The following SNX3 variants were observed in gnomAD, a reference collection of about 807,000 sequenced individuals.
The protein encoded by SNX3 is sorting nexin-3.
Under a neutral mutation model 17.7 loss-of-function variants are expected in SNX3, and 5 were observed. The observed-to-expected ratio is 0.28, with a 90% CI of 0.15 to 0.59. SNX3 has a LOEUF of 0.59. SNX3 is among the 20% of genes least tolerant of loss of function. The probability of loss-of-function intolerance (pLI) is 0.88; values close to 1 mark genes in which losing one functional copy is unlikely to be tolerated. For missense variants in SNX3, 132 were observed against 206.8 expected, an observed-to-expected ratio of 0.64 and a Z score of 2.22; for synonymous variants, 91 against 76.5, an observed-to-expected ratio of 1.19 and a Z score of -0.99.
chr6:108,243,589 A>G (rs1775589084), intron 1 of SNX3, among the ~76,000 whole-genome samples: 1 of 152,182 alleles, frequency 6.6e-6, no homozygotes, highest in Admixed American at 6.5e-5. Context: ...AAGAAATACT[A>G]AAGAAAGCCC....
chr6:108,229,591 TTTTG>T (rs1290736540), intron 1 of SNX3, among the ~76,000 whole-genome samples: 2 of 152,084 alleles, frequency 1.3e-5, no homozygotes, highest in Non-Finnish European at 2.9e-5. Flanking sequence ...CTCTTTTTCG[TTTTG>T]TTTGTTTTTG....
In SNX3 at chr6:108,240,130, G is replaced by A. The variant is rs968884334; in HGVS notation, c.163-17085C>T. Among the ~76,000 whole-genome samples, 6 of 152,238 alleles carry A rather than the reference G, an allele frequency of 3.9e-5. No homozygotes were observed. The East Asian group carries it at 5.8e-4, about 15-fold the overall frequency. ...CACTATATCAGAACTCAGGAAAGTG[G>A]GCACAGGTGTATAACAAATTGAAAA... On this transcript the variant is annotated intron_variant, in intron 1 of 3. Transcript: ENST00000230085.
chr6:108,214,694 G>A, intron 2 of SNX3, 72 bp from the exon 3 acceptor site: 15 of 1,479,194 alleles, frequency 1.0e-5, no homozygotes, highest in Non-Finnish European at 1.2e-5. Flanking sequence ...ACAACATGAA[G>A]ACAAAGCATG....
At chr6:108,215,014 T>C (rs1361640274) in intron 2 of SNX3, among the ~76,000 whole-genome samples, 1 of 152,214 alleles carries the variant, frequency 6.6e-6, no homozygotes, top group Non-Finnish European at 1.5e-5. Context: ...CTCAATTAAA[T>C]GAAGAAACGT....
At chr6:108,258,510 C>T (rs1776096704) in intron 1 of SNX3, among the ~76,000 whole-genome samples, 1 of 151,900 alleles carries the variant, frequency 6.6e-6, no homozygotes, top group Non-Finnish European at 1.5e-5. Flanking sequence ...TACCAAAACC[C>T]TTTTTTCTCT....
chr6:108,254,273 T>A (rs1002771541), intron 1 of SNX3, among the ~76,000 whole-genome samples: 2 of 151,944 alleles, frequency 1.3e-5, no homozygotes, highest in Non-Finnish European at 2.9e-5. Context: ...GAGACAAGCC[T>A]GGGCAACATG....
intron 1 of SNX3, among the ~76,000 whole-genome samples, chr6:108,251,296 G>C (rs1775850054): frequency 6.6e-6 from 1 of 152,008 alleles, no homozygotes; most frequent in African/African-American, 2.4e-5. Flanking sequence ...GAAATTCCAG[G>C]CATTAGCAAA....
Position 108,256,141 on chromosome 6 carries a change from G to T in SNX3, c.162+4619C>A, listed in dbSNP as rs866158727. Among the ~76,000 whole-genome samples, 118 of 152,254 alleles carry T rather than the reference G, an allele frequency of 7.8e-4. 1 individual carries two copies. The Middle Eastern group carries it at 0.014, about 18-fold the overall frequency. On this transcript the variant is annotated intron_variant, in intron 1 of 3. Transcript: ENST00000230085. ...GCTAGTAGAGAGGCTGAGGTTGGGA[G>T]GATCACTTGAGCCTGGGAGGTCAAG...
At chr6:108,249,376 C>T (rs1274494770) in intron 1 of SNX3, among the ~76,000 whole-genome samples, 1 of 152,036 alleles carries the variant, frequency 6.6e-6, no homozygotes, top group Non-Finnish European at 1.5e-5. Context: ...GAGCCGAGAT[C>T]GCACCACTGC....
At chr6:108,228,185 G>T (rs1775030021) in intron 1 of SNX3, among the ~76,000 whole-genome samples, 1 of 152,134 alleles carries the variant, frequency 6.6e-6, no homozygotes, top group Non-Finnish European at 1.5e-5. Flanking sequence ...GGCTGAGGTG[G>T]GAGGATCACA....
chr6:108,219,569 C>T (rs578007473), intron 2 of SNX3, among the ~76,000 whole-genome samples: 53 of 152,296 alleles, frequency 3.5e-4, no homozygotes, highest in East Asian at 7.7e-4. Flanking sequence ...TATGATCACG[C>T]CACCGCATTT....
chr6:108,234,169 T>C (rs1343177906), intron 1 of SNX3, among the ~76,000 whole-genome samples: 1 of 151,946 alleles, frequency 6.6e-6, no homozygotes, highest in East Asian at 1.9e-4. Context: ...ACACAGCTCT[T>C]TGATGTTTGA....
At chr6:108,226,507 T>C (rs1377952974) in intron 1 of SNX3, among the ~76,000 whole-genome samples, 1 of 152,216 alleles carries the variant, frequency 6.6e-6, no homozygotes, top group East Asian at 1.9e-4. Flanking sequence ...ATTCTGTCCG[T>C]TAATTCAGAC....
At position 108,212,099 on chromosome 6, in the gene SNX3, G is replaced by T; in HGVS notation, c.*50C>A. ...TGCTAAAAGTTAGAACTTCTTCACTGGTGCTTATCAATCATTAATAGTCAC... is the reference window on the plus strand; with the variant it reads ...TGCTAAAAGTTAGAACTTCTTCACTTGTGCTTATCAATCATTAATAGTCAC... On this transcript the variant is annotated 3_prime_UTR_variant, in exon 4 of 4. Coordinates refer to ENST00000230085, the MANE Select transcript of SNX3 (RefSeq NM_003795.6). 1 of 949,958 alleles carries T rather than the reference G, an allele frequency of 1.1e-6. No individual in the cohort carries two copies. Among genetic ancestry groups the T allele is most frequent in the Non-Finnish European group, 1.7e-6 (1 of 604,448 alleles). 58.8% of individuals were successfully genotyped at this position (949,958 alleles called of 1,614,324 possible).
At chr6:108,240,894 G>C (rs548869427) in intron 1 of SNX3, among the ~76,000 whole-genome samples, 3 of 152,100 alleles carry the variant, frequency 2.0e-5, no homozygotes, top group Non-Finnish European at 4.4e-5. Flanking sequence ...TATAATCCTA[G>C]CACTTTGGGA....
At chr6:108,226,466 C>G (rs1774977283) in intron 1 of SNX3, among the ~76,000 whole-genome samples, 2 of 152,330 alleles carry the variant, frequency 1.3e-5, no homozygotes, top group Admixed American at 6.5e-5. Flanking sequence ...ACCAAAAATA[C>G]TACTCAACAC....
At chr6:108,241,007 G>A (rs1171048568) in intron 1 of SNX3, among the ~76,000 whole-genome samples, 1 of 151,600 alleles carries the variant, frequency 6.6e-6, no homozygotes, top group Non-Finnish European at 1.5e-5. Flanking sequence ...CTGGGCATAG[G>A]GGTACATGCC....
At chr6:108,251,983 T>G (rs1028409792) in intron 1 of SNX3, among the ~76,000 whole-genome samples, 1 of 151,680 alleles carries the variant, frequency 6.6e-6, no homozygotes, top group Non-Finnish European at 1.5e-5. Flanking sequence ...GAGAATTGCT[T>G]GAACCAGGGA....
At chr6:108,228,705 A>AG (rs1212613208) in intron 1 of SNX3, among the ~76,000 whole-genome samples, 1 of 152,108 alleles carries the variant, frequency 6.6e-6, no homozygotes, top group Non-Finnish European at 1.5e-5. Flanking sequence ...CTCAAAAAAA[A>AG]GGGGGGCATT....
Sources: gnomAD v4.1 joint callset for allele counts (sites outside exome capture counted in the v4.1 genomes callset) on GRCh38, gnomAD v4.1.1 for gene constraint, MANE v1.5 for transcripts, NCBI Gene and HGNC (gene_info 2026-07-23, HGNC 2026-07-21) for gene names.